Variants in CUX1 observed in about 807,000 individuals in gnomAD.
CUX1 encodes cut like homeobox 1, also known as protein CASP.
In CUX1, 31 loss-of-function variants were observed where a neutral mutation model predicts 158.8. The ratio of observed to expected loss-of-function variants is 0.20; its 90% CI spans 0.15 to 0.26. The LOEUF (loss-of-function observed/expected upper bound fraction) is 0.26. Among genes scored for constraint, CUX1 ranks in the 10% least tolerant of loss-of-function variants. The probability of loss-of-function intolerance (pLI) is 1.00; values close to 1 mark genes in which losing one functional copy is unlikely to be tolerated. For missense variants in CUX1, 1,589 were observed against 2,014.6 expected (o/e 0.79, Z 4.04); for synonymous variants, 879 against 862.1 (o/e 1.02, Z -0.34).
chr7:102,239,122 A>C (rs1799897852), intron 22 of CUX1, among the ~76,000 whole-genome samples, 198 bp from the exon 23 acceptor site: 1 of 152,190 alleles, frequency 6.6e-6, no homozygotes. Flanking sequence ...CCTGACATCA[A>C]GTGATCTGCC....
intron 5 of CUX1, 68 bp from the exon 6 acceptor site, chr7:102,104,268 C>CTT (rs1409934085): frequency 8.6e-5 from 128 of 1,481,810 alleles, no homozygotes; most frequent in Admixed American, 1.2e-4. Flanking sequence ...TTATGAGAGC[C>CTT]TTGTACCTAC....
intron 4 of CUX1, among the ~76,000 whole-genome samples, chr7:102,090,683 C>A (rs113269662): frequency 7.3e-6 from 1 of 136,288 alleles, no homozygotes; most frequent in Admixed American, 7.5e-5. Flanking sequence ...CACCGCACCC[C>A]GCCTCTTTTT....
chr7:102,209,905 C>T (rs1563412912), intron 20 of CUX1, among the ~76,000 whole-genome samples: 1 of 152,010 alleles, frequency 6.6e-6, no homozygotes, highest in Non-Finnish European at 1.5e-5. Flanking sequence ...TTTTTATAGA[C>T]AGACGGGGAC....
chr7:101,864,369 C>T (rs1189792802), intron 1 of CUX1, among the ~76,000 whole-genome samples: 2 of 151,832 alleles, frequency 1.3e-5, no homozygotes, highest in Non-Finnish European at 2.9e-5. Context: ...GCTGTGTTGC[C>T]CAGGTTGGTC....
intron 7 of CUX1, among the ~76,000 whole-genome samples, chr7:102,114,670 G>A (rs1182738267): frequency 6.6e-6 from 1 of 152,198 alleles, no homozygotes; most frequent in Non-Finnish European, 1.5e-5. Flanking sequence ...TTCAGGCCAG[G>A]AGTTCCAGAC....
At chr7:102,189,014 G>C (rs1793971897) in intron 11 of CUX1, among the ~76,000 whole-genome samples, 1 of 152,042 alleles carries the variant, frequency 6.6e-6, no homozygotes, top group Admixed American at 6.6e-5. Context: ...CCAGCTGGCT[G>C]TCAGGGAAGC....
intron 2 of CUX1, among the ~76,000 whole-genome samples, chr7:101,937,392 C>T (rs1408717853): frequency 8.5e-5 from 13 of 152,170 alleles, no homozygotes; most frequent in Non-Finnish European, 8.8e-5. Context: ...GAGCAAAGAT[C>T]GCCCAAGCTT....
At chr7:101,986,225 C>T (rs534972317) in intron 2 of CUX1, among the ~76,000 whole-genome samples, 73 of 152,258 alleles carry the variant, frequency 4.8e-4, no homozygotes, top group African/African-American at 1.6e-3. Flanking sequence ...GCACTGGGGT[C>T]GGATCTTCAT....
Position 102,256,303 on chromosome 7 carries a change from T to A in CUX1, c.*7261T>A, listed in dbSNP as rs1440710736. 1 of 985,310 alleles carries A rather than the reference T, an allele frequency of 1.0e-6. No individual in the cohort carries two copies. Among genetic ancestry groups the A allele is most frequent in the Non-Finnish European group, 1.2e-6 (1 of 829,930 alleles). 61.0% of individuals were successfully genotyped at this position (985,310 alleles called of 1,614,324 possible). ...GTGCGTGAGGGTGATTATAAAAGGA[T>A]GTTTCCTTGAGAAAAAAAAAATTAT... On this transcript the variant is annotated 3_prime_UTR_variant, in exon 24 of 24. Coordinates refer to ENST00000292535, the MANE Select transcript of CUX1 (RefSeq NM_181552.4).
intron 8 of CUX1, among the ~76,000 whole-genome samples, chr7:102,128,590 C>T (rs543144298): frequency 1.3e-5 from 2 of 151,486 alleles, no homozygotes; most frequent in South Asian, 2.1e-4. Context: ...GAACCTGGGT[C>T]GCAACATCGT....
chr7:102,056,691 C>G (rs1824171085), intron 3 of CUX1, among the ~76,000 whole-genome samples: 1 of 152,118 alleles, frequency 6.6e-6, no homozygotes, highest in Admixed American at 6.6e-5. Context: ...CTGCCTTAGC[C>G]TCCTGAGTAG....
intron 18 of CUX1, among the ~76,000 whole-genome samples, chr7:102,278,685 A>AAAATATAAAAT (rs1791810943): frequency 7.1e-6 from 1 of 141,802 alleles, no homozygotes; most frequent in Non-Finnish European, 1.6e-5. Flanking sequence ...AAAATAAAAT[A>AAAATATAAAAT]AATAAAATAA....
At chr7:102,106,872 G>A (rs1370308581) in intron 6 of CUX1, among the ~76,000 whole-genome samples, 1 of 152,106 alleles carries the variant, frequency 6.6e-6, no homozygotes. Context: ...CCTCCTTTGG[G>A]GCTCGCCTGC....
At chr7:101,990,750 A>G (rs1459094513) in intron 2 of CUX1, among the ~76,000 whole-genome samples, 1 of 152,186 alleles carries the variant, frequency 6.6e-6, no homozygotes, top group African/African-American at 2.4e-5. Flanking sequence ...AGACCAAAAC[A>G]TACAGTGGCT....
Position 102,163,813 on chromosome 7 carries a change from C to A in CUX1, c.723+5205C>A, listed in dbSNP as rs59558727. ...ACACCTTTCCCATCAGGAAACCCCC[C>A]AGGAGGAGCAATTTACTAGCTCACT... On this transcript the variant is annotated intron_variant, in intron 9 of 23. Transcript: ENST00000292535. 3.7e-3 allele frequency among the ~76,000 whole-genome samples: 567 copies of A among 152,296 alleles called. 2 individuals are homozygous for A. Among genetic ancestry groups the A allele is most frequent in the African/African-American group, 0.013 (550 of 41,564 alleles).
chr7:102,177,273 G>C (rs1339651330), intron 10 of CUX1, among the ~76,000 whole-genome samples: 3 of 151,968 alleles, frequency 2.0e-5, no homozygotes, highest in African/African-American at 7.2e-5. Context: ...AATGAGCCAA[G>C]TGTGGTGGTG....
Position 102,254,255 on chromosome 7 carries a change from G to A in CUX1, c.*5213G>A, listed in dbSNP as rs782789337. On this transcript the variant is annotated 3_prime_UTR_variant, in exon 24 of 24. Coordinates refer to ENST00000292535, the MANE Select transcript of CUX1 (RefSeq NM_181552.4). ...CCTTTCTGTCCAGTCCTGCTCAGCT[G>A]TTAAGATCCATCATGGCCATTATCC... The A allele has an allele frequency of 1.5e-4, 143 of 985,314 alleles. No individual in the cohort carries two copies. The highest frequency in any genetic ancestry group is 1.7e-4 in the Non-Finnish European group (141 of 829,972). 61.0% of individuals were successfully genotyped at this position (985,314 alleles called of 1,614,324 possible).
At chr7:102,111,987 G>A in intron 7 of CUX1, 1 of 512,010 alleles carries the variant, frequency 2.0e-6, no homozygotes, top group Admixed American at 3.5e-5. Context: ...AGAGGTGGGA[G>A]GATCTCGATT....
chr7:101,886,468 TG>T (rs1488761185), intron 1 of CUX1, among the ~76,000 whole-genome samples: 1 of 152,174 alleles, frequency 6.6e-6, no homozygotes, highest in Non-Finnish European at 1.5e-5. Flanking sequence ...CCCAAAGTAT[TG>T]GGATTACAGG....
Sources: allele counts gnomAD v4.1 joint callset (sites outside exome capture counted in the v4.1 genomes callset), GRCh38; gene constraint gnomAD v4.1.1; transcripts MANE v1.5; gene names NCBI Gene and HGNC (gene_info 2026-07-23, HGNC 2026-07-21).